Variants in ADAMTSL1 observed in about 807,000 individuals in gnomAD.
ADAMTSL1 encodes ADAMTS-like protein 1.
Under a neutral mutation model 201.8 loss-of-function variants are expected in ADAMTSL1, and 126 were observed. That is an observed-to-expected ratio of 0.62 (90% CI 0.54 to 0.72). The LOEUF (loss-of-function observed/expected upper bound fraction) is 0.72. Ranked by LOEUF, ADAMTSL1 falls within the 30% of genes least tolerant of loss-of-function variation. The pLI is 0.00. For synonymous variants in ADAMTSL1, 1,121 were observed against 903.4 expected (o/e 1.24, Z -4.32); for missense variants, 2,679 against 2,277.8 (o/e 1.18, Z -3.59).
chr9:18,041,914 A>T (rs1215709763), intron 1 of ADAMTSL1, among the ~76,000 whole-genome samples: 1 of 152,124 alleles, frequency 6.6e-6, no homozygotes, highest in East Asian at 1.9e-4. Context: ...ACTTTGTAGC[A>T]TCTCTTTGCA....
At chr9:18,758,162 G>T (rs1215792596) in intron 16 of ADAMTSL1, among the ~76,000 whole-genome samples, 3 of 152,172 alleles carry the variant, frequency 2.0e-5, no homozygotes, top group Non-Finnish European at 4.4e-5. Context: ...CACAAGGCTG[G>T]TAAATGTGAA....
intron 3 of ADAMTSL1, among the ~76,000 whole-genome samples, chr9:18,539,936 C>T (rs1313357436): frequency 6.6e-6 from 1 of 152,080 alleles, no homozygotes; most frequent in African/African-American, 2.4e-5. Context: ...AAAAACTCAC[C>T]CAGACATTAA....
chr9:18,250,338 G>C (rs1831414943), intron 2 of ADAMTSL1, among the ~76,000 whole-genome samples: 2 of 152,174 alleles, frequency 1.3e-5, no homozygotes, highest in African/African-American at 2.4e-5. Context: ...GATGTGTAGG[G>C]ACAGGATTGA....
intron 1 of ADAMTSL1, among the ~76,000 whole-genome samples, chr9:18,122,362 A>C (rs1428979402): frequency 6.6e-6 from 1 of 152,212 alleles, no homozygotes; most frequent in Non-Finnish European, 1.5e-5. Flanking sequence ...GGTGAGCACC[A>C]GATGGTAGAG....
intron 1 of ADAMTSL1, among the ~76,000 whole-genome samples, chr9:18,081,820 T>G (rs1563988506): frequency 6.6e-6 from 1 of 152,224 alleles, no homozygotes; most frequent in African/African-American, 2.4e-5. Flanking sequence ...GTATCTGCAT[T>G]GTTTTAAACA....
intron 1 of ADAMTSL1, among the ~76,000 whole-genome samples, chr9:17,933,823 C>T (rs1440483320): frequency 6.6e-6 from 1 of 152,128 alleles, no homozygotes; most frequent in African/African-American, 2.4e-5. Context: ...CAGTCGCCTC[C>T]CACCAGGCCC....
intron 20 of ADAMTSL1, among the ~76,000 whole-genome samples, chr9:18,798,289 A>G (rs1370171055): frequency 1.3e-5 from 2 of 152,174 alleles, no homozygotes; most frequent in East Asian, 3.8e-4. Context: ...CTAGGTCTGT[A>G]TCCTGGCTCT....
intron 1 of ADAMTSL1, among the ~76,000 whole-genome samples, chr9:17,997,602 C>T (rs1051528362): frequency 6.6e-6 from 1 of 151,998 alleles, no homozygotes; most frequent in Admixed American, 6.6e-5. Flanking sequence ...CAGGGCCCTC[C>T]ACACAGCGAT....
intron 22 of ADAMTSL1, among the ~76,000 whole-genome samples, chr9:18,827,099 C>T (rs1824621035): frequency 6.6e-6 from 1 of 151,770 alleles, no homozygotes; most frequent in African/African-American, 2.4e-5. Context: ...CGTTTTTGCC[C>T]CCTGGACTAG....
At chr9:18,337,150 C>T (rs932875774) in intron 2 of ADAMTSL1, among the ~76,000 whole-genome samples, 2 of 152,086 alleles carry the variant, frequency 1.3e-5, no homozygotes, top group African/African-American at 2.4e-5. Context: ...ATCTAATCAG[C>T]TGATAGCACA....
chr9:18,323,891 A>G (rs890858863), intron 2 of ADAMTSL1, among the ~76,000 whole-genome samples: 1 of 152,210 alleles, frequency 6.6e-6, no homozygotes, highest in Admixed American at 6.5e-5. Context: ...ATTGTTAAAG[A>G]TGCCAACTCT....
chr9:17,938,213 A>G (rs998708182), intron 1 of ADAMTSL1, among the ~76,000 whole-genome samples: 1 of 152,154 alleles, frequency 6.6e-6, no homozygotes, highest in African/African-American at 2.4e-5. Context: ...CATTTAAACT[A>G]TTCCATGGAG....
At chr9:18,026,721 G>C in intron 1 of ADAMTSL1, among the ~76,000 whole-genome samples, 1 of 151,986 alleles carries the variant, frequency 6.6e-6, no homozygotes, top group East Asian at 1.9e-4. Flanking sequence ...TGGCTTTGTA[G>C]AATGAGTTAG....
At chr9:18,079,477 T>A (rs945127077) in intron 1 of ADAMTSL1, among the ~76,000 whole-genome samples, 1 of 151,934 alleles carries the variant, frequency 6.6e-6, no homozygotes, top group East Asian at 1.9e-4. Context: ...AGGAGACAGA[T>A]TGAGACCATC....
chr9:18,179,085 C>T (rs147632165), intron 2 of ADAMTSL1, among the ~76,000 whole-genome samples: 1,526 of 152,198 alleles, frequency 0.01, 29 homozygotes, highest in African/African-American at 0.034. Context: ...CTCCGAGCTA[C>T]GGGAGGACAT....
At chr9:18,415,599 A>G (rs922759932) in intron 2 of ADAMTSL1, among the ~76,000 whole-genome samples, 1 of 152,138 alleles carries the variant, frequency 6.6e-6, no homozygotes, top group Non-Finnish European at 1.5e-5. Context: ...GAGTTCCTGA[A>G]GTTGGGAGGG....
chr9:18,095,174 C>T (rs1346359922), intron 1 of ADAMTSL1, among the ~76,000 whole-genome samples: 2 of 152,048 alleles, frequency 1.3e-5, no homozygotes, highest in Non-Finnish European at 2.9e-5. Context: ...TAACAAGATG[C>T]CCAGGGGAAG....
intron 19 of ADAMTSL1, 90 bp downstream of exon 19, chr9:18,777,996 T>C: frequency 6.8e-7 from 1 of 1,480,672 alleles, no homozygotes; most frequent in Non-Finnish European, 9.0e-7. Context: ...TCAAGGTGTT[T>C]CCAGGGGTAG....
intron 4 of ADAMTSL1, among the ~76,000 whole-genome samples, chr9:18,601,521 A>G (rs1466488879): frequency 6.6e-6 from 1 of 152,136 alleles, no homozygotes; most frequent in Non-Finnish European, 1.5e-5. Context: ...TCTATTACTG[A>G]ATTAATTAGC....
Sources: allele counts gnomAD v4.1 joint callset (sites outside exome capture counted in the v4.1 genomes callset), GRCh38; gene constraint gnomAD v4.1.1; transcripts MANE v1.5; gene names NCBI Gene and HGNC (gene_info 2026-07-23, HGNC 2026-07-21).